The following PRLR variants were observed in gnomAD, a reference collection of about 807,000 sequenced individuals.
PRLR encodes the protein hPRL receptor.
PRLR carries 13 observed loss-of-function variants against 40.2 expected under a neutral mutation model. The observed-to-expected ratio is 0.32, with a 90% CI of 0.21 to 0.51. The LOEUF is 0.51. PRLR is among the 20% of genes least tolerant of loss of function. PRLR has a pLI of 0.97. For missense variants in PRLR, 656 were observed against 747.3 expected (o/e 0.88, Z 1.42); for synonymous variants, 269 against 278.7 (o/e 0.97, Z 0.35).
At chr5:35,214,776 T>G (rs562780922) in intron 1 of PRLR, among the ~76,000 whole-genome samples, 1 of 152,248 alleles carries the variant, frequency 6.6e-6, no homozygotes, top group African/African-American at 2.4e-5. Flanking sequence ...GCCAAGCTAA[T>G]GATGGAAAGA....
intron 1 of PRLR, among the ~76,000 whole-genome samples, chr5:35,142,996 A>G (rs1443031418): frequency 2.6e-5 from 4 of 152,270 alleles, no homozygotes; most frequent in Non-Finnish European, 4.4e-5. Context: ...ACATAATCTC[A>G]CCCAATAAAT....
chr5:35,049,255 A>G (rs1180102462), exon 9 of PRLR: 1 of 702,914 alleles, frequency 1.4e-6, no homozygotes, highest in Non-Finnish European at 2.6e-6. Flanking sequence ...GAAAATGTTG[A>G]GTTCCTGAAT....
chr5:35,204,181 C>T (rs1256897660), intron 1 of PRLR, among the ~76,000 whole-genome samples: 6 of 150,780 alleles, frequency 4.0e-5, no homozygotes, highest in Non-Finnish European at 7.4e-5. Flanking sequence ...CCGTTGTATT[C>T]CAGCCTGGGT....
chr5:35,119,386 T>TCACA lies in PRLR; in HGVS notation c.-105-1268_-105-1265dup, dbSNP rs58727265. Among the ~76,000 whole-genome samples, 529 of 145,736 alleles carry TCACA rather than the reference T, an allele frequency of 3.6e-3. 5 individuals are homozygous for TCACA. Among genetic ancestry groups the TCACA allele is most frequent in the Non-Finnish European group, 4.2e-3 (276 of 66,122 alleles). ...CATTGACAACCTCTCTCTCTCTCTC[T>TCACA]CACACACACACACACACACACACAC... On this transcript the variant is annotated intron_variant, in intron 1 of 9. Transcript: ENST00000618457.
chr5:35,206,354 T>C (rs981100950), intron 1 of PRLR, among the ~76,000 whole-genome samples: 6 of 152,068 alleles, frequency 3.9e-5, no homozygotes, highest in African/African-American at 1.4e-4. Context: ...GAGAAATTTA[T>C]GGTATAAAAA....
intron 7 of PRLR, among the ~76,000 whole-genome samples, chr5:35,069,912 T>A (rs997626838): frequency 1.3e-5 from 2 of 152,252 alleles, no homozygotes; most frequent in African/African-American, 4.8e-5. Flanking sequence ...CCCATGTCTG[T>A]AGCCTTATCC....
chr5:35,171,825 A>G (rs941335586), intron 1 of PRLR, among the ~76,000 whole-genome samples: 3 of 152,152 alleles, frequency 2.0e-5, no homozygotes, highest in Admixed American at 2.0e-4. Context: ...GTGATTTTCT[A>G]ATAATAGCCC....
At chr5:35,112,937 G>T (rs546664266) in intron 2 of PRLR, among the ~76,000 whole-genome samples, 5 of 152,254 alleles carry the variant, frequency 3.3e-5, no homozygotes, top group Non-Finnish European at 2.9e-5. Flanking sequence ...GGCTGGTCTG[G>T]GAGTGGGGCA....
At chr5:35,131,844 T>C (rs1162751335) in intron 1 of PRLR, among the ~76,000 whole-genome samples, 1 of 152,186 alleles carries the variant, frequency 6.6e-6, no homozygotes, top group Non-Finnish European at 1.5e-5. Flanking sequence ...CCAGTGATAG[T>C]GCTCTGAGTT....
intron 1 of PRLR, among the ~76,000 whole-genome samples, chr5:35,148,021 AG>A (rs1774234691): frequency 6.6e-6 from 1 of 152,142 alleles, no homozygotes; most frequent in South Asian, 2.1e-4. Flanking sequence ...GAAAAACAAC[AG>A]GGAATTAATC....
chr5:35,198,880 G>A (rs1029262099), intron 1 of PRLR, among the ~76,000 whole-genome samples: 2 of 152,122 alleles, frequency 1.3e-5, no homozygotes, highest in Admixed American at 6.5e-5. Flanking sequence ...CAGATGATCT[G>A]CCTACAATGA....
intron 1 of PRLR, among the ~76,000 whole-genome samples, chr5:35,149,539 TA>T (rs961346925): frequency 6.6e-6 from 1 of 152,180 alleles, no homozygotes; most frequent in African/African-American, 2.4e-5. Flanking sequence ...GAATTTCTGA[TA>T]AGTGTTGTTG....
intron 7 of PRLR, among the ~76,000 whole-genome samples, chr5:35,069,412 G>A (rs1769602480): frequency 6.6e-6 from 1 of 152,196 alleles, no homozygotes; most frequent in Non-Finnish European, 1.5e-5. Context: ...TTGCAGTTCA[G>A]TGCCCTTTCC....
chr5:35,105,468 T>TA (rs1181576073), intron 2 of PRLR, among the ~76,000 whole-genome samples: 4 of 152,258 alleles, frequency 2.6e-5, no homozygotes, highest in African/African-American at 9.6e-5. Context: ...GCAAAGAAGC[T>TA]AAAAACCTTG....
At position 35,059,418 on chromosome 5, in the gene PRLR, T is replaced by C. The variant is rs1340973227; in HGVS notation, c.*5671A>G. 3.9e-5 allele frequency: 6 copies of C among 152,154 alleles called. No homozygotes were observed. Among genetic ancestry groups the C allele is most frequent in the Admixed American group, 3.9e-4 (6 of 15,266 alleles). The allele number at this position is 152,154 out of a possible 1,614,324, so 9.4% of individuals were successfully genotyped here. A position where few individuals can be genotyped will look rare whatever the true frequency, so the allele number is the denominator to read the frequency against. ...GTGGACAAAACAGCTGCCAGCATGA[T>C]AGTGTTTGTGAATTATGTACCTCTC... On this transcript the variant is annotated 3_prime_UTR_variant, in exon 10 of 10. Transcript: ENST00000618457.
At chr5:35,068,436 C>A in intron 8 of PRLR, 151 bp from the exon 9 acceptor site, 1 of 683,940 alleles carries the variant, frequency 1.5e-6, no homozygotes. Context: ...AATAAAATTA[C>A]AGAGGCCTAT....
intron 1 of PRLR, among the ~76,000 whole-genome samples, chr5:35,141,804 C>T (rs1472906343): frequency 6.6e-6 from 1 of 152,132 alleles, no homozygotes; most frequent in East Asian, 1.9e-4. Flanking sequence ...GGACTATGCC[C>T]TCCCACCCCC....
At position 35,184,251 on chromosome 5, in the gene PRLR, C is replaced by T. The variant is rs548197039; in HGVS notation, c.-106+46017G>A. ...AAAACTGGCCAGGCACGGTGGCTCA[C>T]GTCTGTAATCCTAGCACTCTGGGAG... On this transcript the variant is annotated intron_variant, in intron 1 of 9. Coordinates refer to ENST00000618457, the MANE Select transcript of PRLR (RefSeq NM_000949.7). Among the ~76,000 whole-genome samples the T allele has an allele frequency of 2.3e-4, 35 of 152,292 alleles. No homozygotes were observed. In the Middle Eastern group the frequency reaches 0.01, roughly 44 times the overall value.
intron 1 of PRLR, among the ~76,000 whole-genome samples, chr5:35,159,366 T>C (rs1774606697): frequency 1.3e-5 from 2 of 150,988 alleles, no homozygotes; most frequent in East Asian, 1.9e-4. Context: ...GAAAAAAGCA[T>C]TTTCCTCTTG....
Sources: allele counts gnomAD v4.1 joint callset (sites outside exome capture counted in the v4.1 genomes callset), GRCh38; gene constraint gnomAD v4.1.1; transcripts MANE v1.5; gene names NCBI Gene and HGNC (gene_info 2026-07-23, HGNC 2026-07-21).